NEK10: variants seen among roughly 807,000 people sequenced by gnomAD.
The protein encoded by NEK10 is NIMA related kinase 10, also known as serine/threonine-protein kinase Nek10.
NEK10 carries 122 observed loss-of-function variants against 159.8 expected under a neutral mutation model. That is an observed-to-expected ratio of 0.76 (90% CI 0.66 to 0.89). The LOEUF (loss-of-function observed/expected upper bound fraction) is 0.89, where lower values mean the gene tolerates loss of function less well. Ranked by LOEUF, NEK10 falls within the 40% of genes least tolerant of loss-of-function variation. NEK10 has a pLI of 0.00. For missense variants in NEK10, 1,342 were observed against 1,323.1 expected, an observed-to-expected ratio of 1.01 and a Z score of -0.22; for synonymous variants, 466 against 457.1, an observed-to-expected ratio of 1.02 and a Z score of -0.25.
At chr3:27,170,854 T>C (rs1437652486) in intron 29 of NEK10, among the ~76,000 whole-genome samples, 1 of 152,222 alleles carries the variant, frequency 6.6e-6, no homozygotes, top group Non-Finnish European at 1.5e-5. Flanking sequence ...TTGCCACTCA[T>C]CTTTTCCAGG....
At chr3:27,338,907 C>T (rs554591811) in intron 5 of NEK10, among the ~76,000 whole-genome samples, 1 of 151,892 alleles carries the variant, frequency 6.6e-6, no homozygotes, top group Non-Finnish European at 1.5e-5. Flanking sequence ...GCTAAGACCT[C>T]AAAAGCACAG....
At chr3:27,171,292 C>G (rs193253959) in intron 29 of NEK10, among the ~76,000 whole-genome samples, 2 of 152,310 alleles carry the variant, frequency 1.3e-5, no homozygotes, top group East Asian at 1.9e-4. Flanking sequence ...TCCCTTGCAA[C>G]TAGCTGTGGT....
intron 23 of NEK10, among the ~76,000 whole-genome samples, chr3:27,224,547 A>G (rs147294538): frequency 6.6e-6 from 1 of 152,242 alleles, no homozygotes; most frequent in Non-Finnish European, 1.5e-5. Flanking sequence ...CAGAAGTCCC[A>G]TAAGATCTGT....
intron 22 of NEK10, among the ~76,000 whole-genome samples, chr3:27,266,264 A>G (rs902807452): frequency 3.9e-5 from 6 of 152,196 alleles, no homozygotes; most frequent in African/African-American, 9.7e-5. Flanking sequence ...GCCTAGCCCA[A>G]TACTGCAAAG....
At chr3:27,343,746 G>C (rs1284968556) in intron 5 of NEK10, among the ~76,000 whole-genome samples, 1 of 152,152 alleles carries the variant, frequency 6.6e-6, no homozygotes, top group Non-Finnish European at 1.5e-5. Flanking sequence ...CAGAGGACTT[G>C]TTAACTAATC....
At chr3:27,355,426 AC>A (rs1406066375) in intron 1 of NEK10, among the ~76,000 whole-genome samples, 1 of 151,822 alleles carries the variant, frequency 6.6e-6, no homozygotes, top group South Asian at 2.1e-4. Flanking sequence ...AGAACTCTTG[AC>A]CCCCACCCCC....
chr3:27,266,601 T>C (rs954830009), intron 22 of NEK10, among the ~76,000 whole-genome samples: 2 of 152,226 alleles, frequency 1.3e-5, no homozygotes, highest in Non-Finnish European at 2.9e-5. Context: ...GGCACCATCA[T>C]TGACCTAGGT....
intron 22 of NEK10, among the ~76,000 whole-genome samples, chr3:27,260,496 G>T (rs2040309783): frequency 6.6e-6 from 1 of 151,976 alleles, no homozygotes; most frequent in Non-Finnish European, 1.5e-5. Context: ...TTTTGTTTTT[G>T]GTTCTGTTTA....
Position 27,344,269 on chromosome 3 carries a change from T to TA in NEK10, c.362+2dup, listed in dbSNP as rs1476107081. The TA allele has an allele frequency of 6.8e-7, 1 of 1,477,220 alleles. No individual in the cohort carries two copies. Among genetic ancestry groups the TA allele is most frequent in the Admixed American group, 1.7e-5 (1 of 57,790 alleles). 91.5% of individuals were successfully genotyped at this position (1,477,220 alleles called of 1,614,324 possible). A position where few individuals can be genotyped will look rare whatever the true frequency, so the allele number is the denominator to read the frequency against. ...AAAGCCTGTTTTCCAGGAACAATCT[T>TA]ACCTGCTTATGAGTCTATTTTTCAC... On this transcript the variant is annotated splice_region_variant and intron_variant, in intron 5 of 35. Coordinates refer to ENST00000691995, the MANE Select transcript of NEK10 (RefSeq NM_001394966.1).
chr3:27,282,559 TAC>T lies in NEK10; in HGVS notation c.2014+2041_2014+2042del, dbSNP rs1553616034. ...TGTGTTATATATATATATATATATA[TAC>T]ATAACTGTGTTATATATATATACAT... On this transcript the variant is annotated intron_variant, in intron 22 of 35. Coordinates refer to ENST00000691995, the MANE Select transcript of NEK10 (RefSeq NM_001394966.1). Among the ~76,000 whole-genome samples the T allele has an allele frequency of 4.1e-3, 355 of 86,826 alleles. 1 individual carries two copies. The highest frequency in any genetic ancestry group is 0.018 in the African/African-American group (338 of 18,706). The allele number at this position is 86,826 out of a possible 152,430, so 57.0% of individuals were successfully genotyped here.
intron 23 of NEK10, among the ~76,000 whole-genome samples, chr3:27,229,424 G>A (rs1352165995): frequency 6.6e-6 from 1 of 152,040 alleles, no homozygotes; most frequent in Non-Finnish European, 1.5e-5. Context: ...AAATGAGAAG[G>A]AACCAGAAAA....
chr3:27,117,895 G>A lies in NEK10; in HGVS notation c.3191-1768C>T, dbSNP rs143633318. Among the ~76,000 whole-genome samples, 396 of 152,178 alleles carry A rather than the reference G, an allele frequency of 2.6e-3. 2 individuals carry two copies. The highest frequency in any genetic ancestry group is 9.1e-3 in the African/African-American group (377 of 41,522). On this transcript the variant is annotated intron_variant, in intron 33 of 35. Coordinates refer to ENST00000691995, the MANE Select transcript of NEK10 (RefSeq NM_001394966.1). ...TTTTCGTCATGAAATCTTTGCCCAG[G>A]CCTATGTCCTGAATGGTATTGTCTA... is the stretch of plus-strand genomic sequence containing the variant.
Position 27,145,969 on chromosome 3 carries a change from G to A in NEK10, c.2870-4387C>T, listed in dbSNP as rs150839484. Among the ~76,000 whole-genome samples the A allele has an allele frequency of 4.6e-5, 7 of 152,248 alleles. No homozygotes were observed. The South Asian group carries it at 6.2e-4, about 14-fold the overall frequency. On this transcript the variant is annotated intron_variant, in intron 30 of 35. Coordinates refer to ENST00000691995, the MANE Select transcript of NEK10 (RefSeq NM_001394966.1). ...CCATGCAAGGACACAGCTAGAAGGC[G>A]CCTCTGGTTACTGCAAATACAAAAC...
intron 32 of NEK10, among the ~76,000 whole-genome samples, chr3:27,130,046 A>T (rs1406429863): frequency 6.6e-6 from 1 of 152,106 alleles, no homozygotes; most frequent in Admixed American, 6.5e-5. Flanking sequence ...CTTCATGGGG[A>T]GATGGCGCAA....
At chr3:27,311,987 T>C in intron 8 of NEK10, 112 bp downstream of exon 8, 1 of 731,386 alleles carries the variant, frequency 1.4e-6, no homozygotes, top group South Asian at 1.5e-5. Flanking sequence ...ACCTGAGCTG[T>C]GTGTGCGAAC....
intron 11 of NEK10, among the ~76,000 whole-genome samples, chr3:27,305,834 A>T (rs73147898): frequency 0.016 from 2,490 of 152,160 alleles, 77 homozygotes; most frequent in African/African-American, 0.057. Flanking sequence ...ATGATGATAA[A>T]CGTTTTATAG....
chr3:27,226,511 C>G (rs1952661645), intron 23 of NEK10, among the ~76,000 whole-genome samples: 1 of 152,148 alleles, frequency 6.6e-6, no homozygotes, highest in African/African-American at 2.4e-5. Context: ...GCAGAGGTCA[C>G]AGTAACGCTT....
Position 27,188,957 on chromosome 3 carries a change from A to C in NEK10, c.2505+3072T>G, listed in dbSNP as rs747061466. 3.0e-4 allele frequency among the ~76,000 whole-genome samples: 45 copies of C among 152,198 alleles called. 1 individual carries two copies. Among genetic ancestry groups the C allele is most frequent in the Non-Finnish European group, 1.2e-4 (8 of 68,006 alleles). On this transcript the variant is annotated intron_variant, in intron 26 of 35. Coordinates refer to ENST00000691995, the MANE Select transcript of NEK10 (RefSeq NM_001394966.1). Reference sequence around the variant, plus strand: ...TCTCTGTGTTCACTACACTGTGAACAGTGCCAAAACATGGATAACGATTTT... The same window carrying C: ...TCTCTGTGTTCACTACACTGTGAACCGTGCCAAAACATGGATAACGATTTT...
At chr3:27,175,106 G>A (rs1947380285) in intron 26 of NEK10, among the ~76,000 whole-genome samples, 1 of 152,068 alleles carries the variant, frequency 6.6e-6, no homozygotes, top group Non-Finnish European at 1.5e-5. Context: ...AGTAGCGGGG[G>A]GAAATATGTA....
Sources: allele counts gnomAD v4.1 joint callset (sites outside exome capture counted in the v4.1 genomes callset), GRCh38; gene constraint gnomAD v4.1.1; transcripts MANE v1.5; gene names NCBI Gene and HGNC (gene_info 2026-07-23, HGNC 2026-07-21).